The following ADAP1 variants were observed in gnomAD, a reference collection of about 807,000 sequenced individuals.
ADAP1 encodes arf-GAP with dual PH domain-containing protein 1.
Under a neutral mutation model 54.9 loss-of-function variants are expected in ADAP1, and 31 were observed. The observed-to-expected ratio is 0.56, with a 90% CI of 0.42 to 0.76. The LOEUF (loss-of-function observed/expected upper bound fraction) is 0.76. Ranked by LOEUF, ADAP1 falls within the 30% of genes least tolerant of loss-of-function variation. ADAP1 has a pLI of 0.00. For missense variants in ADAP1, 535 were observed against 512.4 expected (o/e 1.04, Z -0.42); for synonymous variants, 313 against 202.6 (o/e 1.55, Z -4.63).
intron 4 of ADAP1, among the ~76,000 whole-genome samples, chr7:917,719 A>G (rs1845993575): frequency 6.6e-6 from 1 of 152,100 alleles, no homozygotes; most frequent in Admixed American, 6.5e-5. Flanking sequence ...CCGCCCGCCT[A>G]GGCCTCCCAA....
At chr7:921,863 C>A (rs1846203459) in intron 3 of ADAP1, among the ~76,000 whole-genome samples, 1 of 152,190 alleles carries the variant, frequency 6.6e-6, no homozygotes, top group Non-Finnish European at 1.5e-5. Context: ...ACGGCTTTGA[C>A]AACCACGCCT....
intron 3 of ADAP1, among the ~76,000 whole-genome samples, chr7:923,786 C>T (rs925993493): frequency 1.3e-5 from 2 of 152,186 alleles, no homozygotes; most frequent in Non-Finnish European, 2.9e-5. Flanking sequence ...AGACGCCACC[C>T]GGACATCTGT....
At chr7:902,806 G>C (rs1383716280) in intron 6 of ADAP1, among the ~76,000 whole-genome samples, 2 of 145,944 alleles carry the variant, frequency 1.4e-5, no homozygotes, top group Admixed American at 1.4e-4. Context: ...CACAGCATTG[G>C]AGAATTTCAA....
At chr7:942,345 GGA>G (rs1327980670) in intron 1 of ADAP1, among the ~76,000 whole-genome samples, 1 of 134,894 alleles carries the variant, frequency 7.4e-6, no homozygotes, top group East Asian at 2.4e-4. Context: ...GAGGAGGAAG[GGA>G]GAGAGGAAGA....
At chr7:921,957 C>A (rs1462912323) in intron 3 of ADAP1, among the ~76,000 whole-genome samples, 1 of 152,224 alleles carries the variant, frequency 6.6e-6, no homozygotes, top group African/African-American at 2.4e-5. Context: ...CACACCCGCA[C>A]ACAAGGGCAT....
chr7:919,679 G>GGA (rs145787797), intron 4 of ADAP1, among the ~76,000 whole-genome samples: 10 of 65,762 alleles, frequency 1.5e-4, no homozygotes, highest in African/African-American at 6.8e-4. Context: ...ACAGAAGGAG[G>GGA]GAGAGAGAGA....
chr7:898,784 C>T lies in ADAP1; in HGVS notation c.*137G>A, dbSNP rs972289193. The T allele has an allele frequency of 6.7e-6, 8 of 1,190,100 alleles. No individual in the cohort carries two copies. In the African/African-American group the frequency reaches 1.1e-4, roughly 16 times the overall value. 73.7% of individuals were successfully genotyped at this position (1,190,100 alleles called of 1,614,324 possible). ...AGCATCCTGGAAGCTGAAGCTCGGGCCCTACCTGGCCGCGCCGGGCTGCCC... is the reference window on the plus strand; with the variant it reads ...AGCATCCTGGAAGCTGAAGCTCGGGTCCTACCTGGCCGCGCCGGGCTGCCC... On this transcript the variant is annotated 3_prime_UTR_variant, in exon 11 of 11. Coordinates refer to ENST00000265846, the MANE Select transcript of ADAP1 (RefSeq NM_006869.4).
At chr7:913,909 T>G (rs1293715975) in intron 4 of ADAP1, among the ~76,000 whole-genome samples, 1 of 152,212 alleles carries the variant, frequency 6.6e-6, no homozygotes, top group Non-Finnish European at 1.5e-5. Context: ...CACCGCAGCC[T>G]GGGCAACAGA....
Position 926,737 on chromosome 7 carries a change from C to G in ADAP1, c.214-93G>C. 2 of 1,057,476 alleles carry G rather than the reference C, an allele frequency of 1.9e-6. No homozygotes were observed. The highest frequency in any genetic ancestry group is 2.9e-5 in the East Asian group (1 of 34,042). 65.5% of individuals were successfully genotyped at this position (1,057,476 alleles called of 1,614,324 possible). ...CCTTGGGGCCGTCACCACAGTGACC[C>G]GCAGACCCAAGGCTCTGAGGGCTCC... On this transcript the variant is annotated intron_variant, in intron 2 of 10. Transcript: ENST00000265846. This position sits in a 1 kb window ranked among gnomAD's most constrained non-coding sequence, Gnocchi z 4.6.
intron 1 of ADAP1, among the ~76,000 whole-genome samples, chr7:939,730 C>T (rs1846890125): frequency 6.6e-6 from 1 of 151,544 alleles, no homozygotes; most frequent in Non-Finnish European, 1.5e-5. Flanking sequence ...ACTTGGGAGG[C>T]TGAGGCAAGA....
Position 905,001 on chromosome 7 carries a change from T to TGGGAGGCC in ADAP1, c.501+51_501+58dup, listed in dbSNP as rs1845032720. The TGGGAGGCC allele has an allele frequency of 4.7e-6, 7 of 1,482,378 alleles. No individual in the cohort carries two copies. The Admixed American group carries it at 1.2e-4, about 25-fold the overall frequency. 91.8% of individuals were successfully genotyped at this position (1,482,378 alleles called of 1,614,324 possible). On this transcript the variant is annotated intron_variant, in intron 5 of 10. Coordinates refer to ENST00000265846, the MANE Select transcript of ADAP1 (RefSeq NM_006869.4). ...GACGCGGCCACCACAGGCCCCAGTGTGGGAGGCCGGGATGCCGCCCTGGGA... is the reference window on the plus strand; with the variant it reads ...GACGCGGCCACCACAGGCCCCAGTGTGGGAGGCCGGGAGGCCGGGATGCCGCCCTGGGA...
In ADAP1 at chr7:938,919, C is replaced by T. The variant is rs77300286; in HGVS notation, c.83-3414G>A. ...GGCCACCAACAGCTCCCGCCCAGCC[C>T]AGGGTCCAGAATGCCTGTGCCCACC... On this transcript the variant is annotated intron_variant, in intron 1 of 10. Coordinates refer to ENST00000265846, the MANE Select transcript of ADAP1 (RefSeq NM_006869.4). The surrounding 1 kb of genome is among the most constrained non-coding windows in gnomAD (Gnocchi z 4.4). Among the ~76,000 whole-genome samples, 3,234 of 152,248 alleles carry T rather than the reference C, an allele frequency of 0.021. 43 individuals carry two copies. Among genetic ancestry groups the T allele is most frequent in the Non-Finnish European group, 0.026 (1,735 of 68,010 alleles).
chr7:950,890 CAG>C, intron 1 of ADAP1, among the ~76,000 whole-genome samples: 1 of 140,168 alleles, frequency 7.1e-6, no homozygotes, highest in African/African-American at 2.7e-5. Flanking sequence ...AAGAAAAGAA[CAG>C]AAAGTAGAAG....
rs1846833511 is a variant in ADAP1 at position 938,067 on chromosome 7, T to C, written c.83-2562A>G. 6.6e-6 allele frequency among the ~76,000 whole-genome samples: 1 copy of C among 152,188 alleles called. No individual in the cohort carries two copies. Among genetic ancestry groups the C allele is most frequent in the South Asian group, 2.1e-4 (1 of 4,830 alleles). On this transcript the variant is annotated intron_variant, in intron 1 of 10. Coordinates refer to ENST00000265846, the MANE Select transcript of ADAP1 (RefSeq NM_006869.4). This position sits in a 1 kb window ranked among gnomAD's most constrained non-coding sequence, Gnocchi z 4.4. Reference sequence around the variant, plus strand: ...AAACATTTGCCCAAGTGACCCTGTCTCGGGTACCAGGAGTTTTGCCTGTGC... The same window carrying C: ...AAACATTTGCCCAAGTGACCCTGTCCCGGGTACCAGGAGTTTTGCCTGTGC...
chr7:898,474 G>C lies in ADAP1; in HGVS notation c.*447C>G, dbSNP rs551006980. Reference sequence around the variant, plus strand: ...GCGCTCAATAAATAGTCGTGGAGGTGGGGGGAGGGCGGGGCGGCATGCGAG... The same window carrying C: ...GCGCTCAATAAATAGTCGTGGAGGTCGGGGGAGGGCGGGGCGGCATGCGAG... On this transcript the variant is annotated 3_prime_UTR_variant, in exon 11 of 11. Transcript: ENST00000265846. The C allele has an allele frequency of 8.4e-5, 21 of 249,334 alleles. No individual in the cohort carries two copies. The highest frequency in any genetic ancestry group is 1.4e-4 in the Non-Finnish European group (18 of 125,324). The allele number at this position is 249,334 out of a possible 1,614,324, so 15.4% of individuals were successfully genotyped here.
Position 905,864 on chromosome 7 carries a change from AAGGGAG to A in ADAP1, c.389-698_389-693del, listed in dbSNP as rs1385038844. Among the ~76,000 whole-genome samples the A allele has an allele frequency of 5.2e-4, 31 of 60,028 alleles. 1 individual carries two copies. The highest frequency in any genetic ancestry group is 8.1e-4 in the Non-Finnish European group (19 of 23,586). 39.4% of individuals were successfully genotyped at this position (60,028 alleles called of 152,430 possible). On this transcript the variant is annotated intron_variant, in intron 4 of 10. Transcript: ENST00000265846. Reference sequence around the variant, plus strand: ...GGAGAAGGGAGAAGGGAGAAGGGAGAAGGGAGAAGGGAGAAAGGAGAAAGGAGAAAG... The same window carrying A: ...GGAGAAGGGAGAAGGGAGAAGGGAGAAAGGGAGAAAGGAGAAAGGAGAAAG...
In ADAP1 at chr7:900,455, CAG is replaced by C. The variant is rs1369979214; in HGVS notation, c.732+76_732+77del. On this transcript the variant is annotated intron_variant, in intron 7 of 10. Transcript: ENST00000265846. ...CTAGGGCTCAACATCATCCCAGACT[CAG>C]GGCACGAGGGCTCCGTCCACCCCCC... The C allele has an allele frequency of 2.8e-6, 4 of 1,447,274 alleles. No individual in the cohort carries two copies. In the East Asian group the frequency reaches 7.4e-5, roughly 27 times the overall value. 89.7% of individuals were successfully genotyped at this position (1,447,274 alleles called of 1,614,324 possible).
chr7:926,478 GCCGGGTCCTC>G lies in ADAP1; in HGVS notation c.305+65_305+74del. On this transcript the variant is annotated intron_variant, in intron 3 of 10. Transcript: ENST00000265846. This position sits in a 1 kb window ranked among gnomAD's most constrained non-coding sequence, Gnocchi z 4.6. ...TGGGCGGCACCCAACTCCCCACCCT[GCCGGGTCCTC>G]CCGGGGCCATCTCGGAGCCACCCAG... is the stretch of plus-strand genomic sequence containing the variant. The G allele has an allele frequency of 7.6e-7, 1 of 1,324,064 alleles. No individual in the cohort carries two copies. Among genetic ancestry groups the G allele is most frequent in the South Asian group, 1.4e-5 (1 of 70,006 alleles). The allele number at this position is 1,324,064 out of a possible 1,614,324, so 82.0% of individuals were successfully genotyped here.
In ADAP1 at chr7:900,064, C is replaced by G. The variant is rs377693028; in HGVS notation, c.795+38G>C. The G allele has an allele frequency of 5.0e-6, 8 of 1,610,554 alleles. No homozygotes were observed. The African/African-American group carries it at 9.3e-5, about 19-fold the overall frequency. ...TCAGTCCGAGACCCACCATGGCGTA[C>G]CCCAGGCCACCCCAGGCCGCACGTG... On this transcript the variant is annotated intron_variant, in intron 8 of 10. Coordinates refer to ENST00000265846, the MANE Select transcript of ADAP1 (RefSeq NM_006869.4).
Sources: allele counts gnomAD v4.1 joint callset (sites outside exome capture counted in the v4.1 genomes callset), GRCh38; gene constraint gnomAD v4.1.1; non-coding constraint Gnocchi (gnomAD v3.1); transcripts MANE v1.5; gene names NCBI Gene and HGNC (gene_info 2026-07-23, HGNC 2026-07-21).